The following LDLRAD4 variants were observed in gnomAD, a reference collection of about 807,000 sequenced individuals.
LDLRAD4 encodes the protein low density lipoprotein receptor class A domain containing 4.
In LDLRAD4, 5 loss-of-function variants were observed where a neutral mutation model predicts 17.0. That is an observed-to-expected ratio of 0.29 (90% CI 0.15 to 0.62). The LOEUF (loss-of-function observed/expected upper bound fraction) is 0.62. Ranked by LOEUF, LDLRAD4 falls within the 20% of genes least tolerant of loss-of-function variation. LDLRAD4 has a pLI of 0.84. For synonymous variants in LDLRAD4, 168 were observed against 171.8 expected (o/e 0.98, Z 0.17); for missense variants, 340 against 424.7 (o/e 0.80, Z 1.75).
At chr18:13,643,307 AT>A in intron 4 of LDLRAD4, 51 bp from the exon 6 acceptor site, 1 of 1,221,158 alleles carries the variant, frequency 8.2e-7, no homozygotes, top group South Asian at 1.4e-5. Flanking sequence ...GGGGCTAATG[AT>A]TTTCCTCTGT....
At chr18:13,568,092 C>T (rs879397093) in intron 3 of LDLRAD4, among the ~76,000 whole-genome samples, 5 of 151,976 alleles carry the variant, frequency 3.3e-5, no homozygotes, top group Non-Finnish European at 5.9e-5. Context: ...GTCAGGAGTT[C>T]GAGACCAGCC....
At chr18:13,436,206 T>C (rs114363835) in intron 2 of LDLRAD4, among the ~76,000 whole-genome samples, 1,834 of 152,300 alleles carry the variant, frequency 0.012, 43 homozygotes, top group African/African-American at 0.043. Flanking sequence ...TGTCATAAGC[T>C]CTTTGAAGAG....
chr18:13,310,669 G>C (rs1035720238), intron 1 of LDLRAD4, among the ~76,000 whole-genome samples: 2 of 152,134 alleles, frequency 1.3e-5, no homozygotes, highest in Admixed American at 6.5e-5. Flanking sequence ...CCAGGAACCT[G>C]AGGGTTCTGA....
intron 3 of LDLRAD4, among the ~76,000 whole-genome samples, chr18:13,529,460 A>G (rs1361232490): frequency 6.6e-6 from 1 of 152,250 alleles, no homozygotes; most frequent in Admixed American, 6.5e-5. Flanking sequence ...AGACCTTGGC[A>G]ACCTCAAAGG....
chr18:13,271,048 G>C (rs1033688419), intron 1 of LDLRAD4, among the ~76,000 whole-genome samples: 1 of 152,186 alleles, frequency 6.6e-6, no homozygotes, highest in Admixed American at 6.5e-5. Flanking sequence ...TAGTTTAATG[G>C]AGGAGAACGA....
intron 1 of LDLRAD4, among the ~76,000 whole-genome samples, chr18:13,290,579 CG>C (rs2045908591): frequency 6.6e-6 from 1 of 151,228 alleles, no homozygotes; most frequent in Non-Finnish European, 1.5e-5. Flanking sequence ...AAAAGATCTG[CG>C]TTTGTTTTAG....
At chr18:13,301,334 G>A (rs1183485886) in intron 1 of LDLRAD4, among the ~76,000 whole-genome samples, 1 of 152,160 alleles carries the variant, frequency 6.6e-6, no homozygotes, top group Non-Finnish European at 1.5e-5. Context: ...TGAGCTTGAA[G>A]GAGACTTCCC....
intron 1 of LDLRAD4, among the ~76,000 whole-genome samples, chr18:13,360,014 C>T (rs1166683283): frequency 6.6e-6 from 1 of 152,198 alleles, no homozygotes; most frequent in African/African-American, 2.4e-5. Context: ...GTGTTTTCAA[C>T]TTCAGATGGA....
chr18:13,298,463 T>C lies in LDLRAD4; in HGVS notation c.-383+20275T>C, dbSNP rs1244031005. Among the ~76,000 whole-genome samples, 7 of 139,686 alleles carry C rather than the reference T, an allele frequency of 5.0e-5. 1 individual carries two copies. The South Asian group carries it at 9.6e-4, about 19-fold the overall frequency. 91.6% of individuals were successfully genotyped at this position (139,686 alleles called of 152,430 possible). On this transcript the variant is annotated intron_variant, in intron 1 of 5. Coordinates refer to ENST00000359446, the Ensembl canonical transcript of LDLRAD4. Reference sequence around the variant, plus strand: ...TCCGGGCACGGCAATTTTGCTGCTCTGGGCACGGTGATGGAGCTGCTCCGG... The same window carrying C: ...TCCGGGCACGGCAATTTTGCTGCTCCGGGCACGGTGATGGAGCTGCTCCGG...
chr18:13,297,091 G>A (rs2046320449), intron 1 of LDLRAD4, among the ~76,000 whole-genome samples: 1 of 152,168 alleles, frequency 6.6e-6, no homozygotes, highest in Admixed American at 6.6e-5. Context: ...CACAGTTCAC[G>A]ACTTCCTCTT....
intron 4 of LDLRAD4, among the ~76,000 whole-genome samples, chr18:13,637,135 T>C (rs2042154048): frequency 6.6e-6 from 1 of 151,972 alleles, no homozygotes; most frequent in South Asian, 2.1e-4. Context: ...GTTGTTGTTG[T>C]TTTTTACCCC....
chr18:13,401,238 C>A (rs1451677813), intron 2 of LDLRAD4, among the ~76,000 whole-genome samples: 1 of 151,954 alleles, frequency 6.6e-6, no homozygotes, highest in Non-Finnish European at 1.5e-5. Context: ...AGCAGACAGG[C>A]AGGTGGGCAG....
At chr18:13,283,352 G>A (rs2045403332) in intron 1 of LDLRAD4, among the ~76,000 whole-genome samples, 1 of 152,146 alleles carries the variant, frequency 6.6e-6, no homozygotes, top group South Asian at 2.1e-4. Context: ...TTATACAACT[G>A]AATGCCTTTA....
At chr18:13,295,484 G>A (rs1371502477) in intron 1 of LDLRAD4, among the ~76,000 whole-genome samples, 3 of 152,190 alleles carry the variant, frequency 2.0e-5, no homozygotes, top group Admixed American at 6.5e-5. Context: ...CAGCTGCATC[G>A]TGCATGTCAC....
At chr18:13,523,090 C>T (rs1175390236) in intron 3 of LDLRAD4, among the ~76,000 whole-genome samples, 1 of 152,184 alleles carries the variant, frequency 6.6e-6, no homozygotes, top group Non-Finnish European at 1.5e-5. Context: ...TTGGTGCCCC[C>T]ACTGTGTGCG....
intron 3 of LDLRAD4, among the ~76,000 whole-genome samples, chr18:13,443,709 TCTC>T (rs557743448): frequency 6.6e-6 from 1 of 151,298 alleles, no homozygotes; most frequent in Admixed American, 6.6e-5. Context: ...GTCGTCGTCG[TCTC>T]CTCCTCCTCC....
At chr18:13,218,594 G>A (rs1397213086), upstream of LDLRAD4, among the ~76,000 whole-genome samples, 1 of 152,132 alleles carries the variant, frequency 6.6e-6, no homozygotes, top group Admixed American at 6.5e-5. Flanking sequence ...GGAAGGAGGG[G>A]GCGGGCCAAG....
intron 3 of LDLRAD4, among the ~76,000 whole-genome samples, chr18:13,539,182 C>A (rs2094240624): frequency 6.6e-6 from 1 of 152,122 alleles, no homozygotes; most frequent in African/African-American, 2.4e-5. Flanking sequence ...TTTATGCCTT[C>A]CCTGCAATGC....
At chr18:13,353,470 T>C (rs1044166984) in intron 1 of LDLRAD4, among the ~76,000 whole-genome samples, 2 of 152,236 alleles carry the variant, frequency 1.3e-5, no homozygotes, top group Non-Finnish European at 2.9e-5. Flanking sequence ...TGCTGGACCT[T>C]ATGTATTCTA....
Sources: allele counts gnomAD v4.1 joint callset (sites outside exome capture counted in the v4.1 genomes callset), GRCh38; gene constraint gnomAD v4.1.1; transcripts MANE v1.5; gene names NCBI Gene and HGNC (gene_info 2026-07-23, HGNC 2026-07-21).